NSUN6: variants seen among roughly 807,000 people sequenced by gnomAD.
NSUN6 encodes the protein tRNA (cytosine(72)-C(5))-methyltransferase NSUN6.
In NSUN6, 64 loss-of-function variants were observed where a neutral mutation model predicts 58.0. The observed-to-expected ratio is 1.10, with a 90% confidence interval of 0.90 to 1.36. The LOEUF is 1.36. Ranked by LOEUF, NSUN6 falls within the 40% of genes most tolerant of loss-of-function variation. The probability of loss-of-function intolerance (pLI) is 0.00; values close to 1 mark genes in which losing one functional copy is unlikely to be tolerated. For missense variants in NSUN6, 701 were observed against 550.1 expected (o/e 1.27, Z -2.74); for synonymous variants, 231 against 193.9 (o/e 1.19, Z -1.59).
chr10:18,598,775 A>T (rs2057694578), intron 6 of NSUN6, among the ~76,000 whole-genome samples: 1 of 152,108 alleles, frequency 6.6e-6, no homozygotes, highest in Admixed American at 6.5e-5. Context: ...AGCAAGTTTT[A>T]TTTATTACAA....
intron 8 of NSUN6, among the ~76,000 whole-genome samples, chr10:18,568,550 C>G (rs1253567524): frequency 6.6e-6 from 1 of 151,226 alleles, no homozygotes; most frequent in Non-Finnish European, 1.5e-5. Context: ...CCATTCCAAT[C>G]CATTCTCCTT....
intron 8 of NSUN6, 58 bp downstream of exon 8, chr10:18,585,891 C>T (rs1822926984): frequency 3.1e-6 from 4 of 1,310,088 alleles, no homozygotes; most frequent in Non-Finnish European, 2.1e-6. Context: ...AAACATCACA[C>T]TGTATGCCAC....
At chr10:18,573,837 C>T (rs1041672592) in intron 8 of NSUN6, among the ~76,000 whole-genome samples, 5 of 152,094 alleles carry the variant, frequency 3.3e-5, no homozygotes, top group Non-Finnish European at 7.3e-5. Flanking sequence ...CTACCCTTGC[C>T]TCAAACTAAA....
chr10:18,612,304 T>C (rs1345505793), intron 5 of NSUN6, among the ~76,000 whole-genome samples: 1 of 152,136 alleles, frequency 6.6e-6, no homozygotes. Context: ...GTGCCTATAG[T>C]ACTAGCTACT....
At chr10:18,629,999 TG>T (rs1254397480) in intron 3 of NSUN6, among the ~76,000 whole-genome samples, 4 of 150,474 alleles carry the variant, frequency 2.7e-5, no homozygotes, top group Non-Finnish European at 5.9e-5. Context: ...ACCACATACT[TG>T]GAAGTAAAGC....
At chr10:18,556,511 A>G (rs1176090491) in intron 8 of NSUN6, among the ~76,000 whole-genome samples, 1 of 151,504 alleles carries the variant, frequency 6.6e-6, no homozygotes. Flanking sequence ...AATGGAATGG[A>G]ACGGAGAATG....
At chr10:18,612,325 A>G (rs2058266616) in intron 5 of NSUN6, among the ~76,000 whole-genome samples, 1 of 152,182 alleles carries the variant, frequency 6.6e-6, no homozygotes. Flanking sequence ...CAGAGGCTGA[A>G]GTAGGAGGAT....
intron 6 of NSUN6, among the ~76,000 whole-genome samples, chr10:18,607,944 G>A (rs138499099): frequency 3.3e-4 from 51 of 152,268 alleles, no homozygotes; most frequent in African/African-American, 1.2e-3. Flanking sequence ...AATAATATAT[G>A]TAAAACACTC....
At chr10:18,546,303 T>G (rs1166887254) in intron 10 of NSUN6, among the ~76,000 whole-genome samples, 158 bp from the exon 11 acceptor site, 1 of 152,232 alleles carries the variant, frequency 6.6e-6, no homozygotes, top group Non-Finnish European at 1.5e-5. Flanking sequence ...ACATACGTGC[T>G]GCTTTCCAGA....
chr10:18,582,970 G>T (rs2056971372), intron 8 of NSUN6, among the ~76,000 whole-genome samples: 1 of 152,126 alleles, frequency 6.6e-6, no homozygotes, highest in South Asian at 2.1e-4. Context: ...CTGAGACGAA[G>T]CTCAGCCATT....
upstream of NSUN6, chr10:18,652,400 T>C (rs1564856127): frequency 1.0e-6 from 1 of 984,448 alleles, no homozygotes; most frequent in African/African-American, 1.8e-5. Flanking sequence ...GAAAGGGTTT[T>C]TTATTGTTTT....
rs113547802 is a variant in NSUN6 at position 18,622,233 on chromosome 10, C to T, written c.312-5940G>A. Among the ~76,000 whole-genome samples, 44 of 152,196 alleles carry T rather than the reference C, an allele frequency of 2.9e-4. 1 individual carries two copies. Among genetic ancestry groups the T allele is most frequent in the African/African-American group, 1.0e-3 (42 of 41,524 alleles). On this transcript the variant is annotated intron_variant, in intron 3 of 10. Coordinates refer to ENST00000377304, the MANE Select transcript of NSUN6 (RefSeq NM_182543.5). The stretch of plus-strand genomic sequence containing the variant: ...CATAAATGGGATCAGTGCCTTTATA[C>T]GAGACCAAAGAGCTACCCACTTGCT...
chr10:18,567,904 C>T (rs1031763961), intron 8 of NSUN6, among the ~76,000 whole-genome samples: 6 of 150,326 alleles, frequency 4.0e-5, no homozygotes, highest in African/African-American at 1.5e-4. Context: ...CTATTCACCA[C>T]TGCATTCCAT....
At chr10:18,598,233 T>C (rs1168822123) in intron 6 of NSUN6, among the ~76,000 whole-genome samples, 2 of 152,088 alleles carry the variant, frequency 1.3e-5, no homozygotes, top group African/African-American at 4.8e-5. Flanking sequence ...TGCTCCTAAC[T>C]CCACCGCCTA....
At chr10:18,604,250 C>G (rs1352801092) in intron 6 of NSUN6, among the ~76,000 whole-genome samples, 1 of 152,148 alleles carries the variant, frequency 6.6e-6, no homozygotes, top group Admixed American at 6.5e-5. Flanking sequence ...GAGAAGAAAC[C>G]TTATGATCAC....
intron 8 of NSUN6, among the ~76,000 whole-genome samples, chr10:18,584,940 C>A: frequency 1.4e-5 from 2 of 146,710 alleles, no homozygotes. Flanking sequence ...CTCAGTAAAA[C>A]TATCTCTCAA....
chr10:18,566,705 C>G (rs1483149140), intron 8 of NSUN6, among the ~76,000 whole-genome samples: 1 of 150,054 alleles, frequency 6.7e-6, no homozygotes, highest in African/African-American at 2.5e-5. Context: ...CCACACCATT[C>G]TCCACTCCAT....
At position 18,616,225 on chromosome 10, in the gene NSUN6, C is replaced by A; in HGVS notation, c.380G>T (p.Gly127Val). The change falls in exon 4 of 11, where the codon GGA (glycine) becomes GTA (valine). Residue 127 changes from glycine (G) to valine (V), a missense_variant. Coordinates refer to ENST00000377304, the MANE Select transcript of NSUN6 (RefSeq NM_182543.5). ...AATTCCTGGGGCATAGACATGGGCT[C>A]CTCTTAAAACTGCATTGCCACACTG... Reference protein sequence around the residue: ...GAQCGNAVLRGAHVYAPGIVS... With the variant: ...GAQCGNAVLRVAHVYAPGIVS... 6.2e-7 allele frequency: 1 copy of A among 1,607,288 alleles called. No homozygotes were observed.
chr10:18,590,541 A>T (rs1158442601), intron 7 of NSUN6, among the ~76,000 whole-genome samples: 2 of 152,238 alleles, frequency 1.3e-5, no homozygotes, highest in African/African-American at 2.4e-5. Flanking sequence ...AAGAATGGAA[A>T]TCATAACAAA....
Sources: gnomAD v4.1 joint callset for allele counts (sites outside exome capture counted in the v4.1 genomes callset) on GRCh38, gnomAD v4.1.1 for gene constraint, MANE v1.5 for transcripts, NCBI Gene and HGNC (gene_info 2026-07-23, HGNC 2026-07-21) for gene names.